The following ADCY9 variants were observed in gnomAD, a reference collection of about 807,000 sequenced individuals.
ADCY9 encodes adenylate cyclase type 9.
ADCY9 carries 50 observed loss-of-function variants against 101.5 expected under a neutral mutation model. The observed-to-expected ratio is 0.49, with a 90% CI of 0.39 to 0.62. ADCY9 has a LOEUF of 0.62. Among genes scored for constraint, ADCY9 ranks in the 20% least tolerant of loss-of-function variants. The pLI is 0.00. For synonymous variants in ADCY9, 905 were observed against 769.3 expected (o/e 1.18, Z -2.92); for missense variants, 1,662 against 1,800.4 (o/e 0.92, Z 1.39).
At chr16:4,065,011 A>G (rs1009596449) in intron 2 of ADCY9, among the ~76,000 whole-genome samples, 1 of 152,168 alleles carries the variant, frequency 6.6e-6, no homozygotes, top group Non-Finnish European at 1.5e-5. Flanking sequence ...GGAGAAGTGA[A>G]AGGTCATAGG....
chr16:4,113,795 C>G lies in ADCY9; in HGVS notation c.1648G>C (p.Val550Leu), dbSNP rs1028632033. 1.2e-6 allele frequency: 2 copies of G among 1,613,974 alleles called. No homozygotes were observed. The highest frequency in any genetic ancestry group is 1.3e-5 in the African/African-American group (1 of 74,910). ...DDRYEMEDGK[V>L]IERLGQSVVA... ...ACGCTCTGGCCCAGCCGTTCAATAA[C>G]TTTCCCATCTTCCATTTCGTACCGG... Residue 550 changes from valine (V) to leucine (L), a missense_variant, in exon 2 of 11, where the codon GTT becomes CTT. Coordinates refer to ENST00000294016, the MANE Select transcript of ADCY9 (RefSeq NM_001116.4).
chr16:4,045,650 G>GCATCCATC (rs1215823813), intron 2 of ADCY9, among the ~76,000 whole-genome samples: 1 of 146,248 alleles, frequency 6.8e-6, no homozygotes, highest in Non-Finnish European at 1.5e-5. Flanking sequence ...CCAATTTGCT[G>GCATCCATC]CATCCATCCA....
intron 2 of ADCY9, among the ~76,000 whole-genome samples, chr16:4,071,901 C>A (rs1314454460): frequency 6.6e-6 from 1 of 152,138 alleles, no homozygotes; most frequent in Non-Finnish European, 1.5e-5. Flanking sequence ...ACCTCCACCT[C>A]CCGGGTTCAA....
chr16:3,982,375 C>G (rs1001949764), intron 7 of ADCY9: 1 of 152,364 alleles, frequency 6.6e-6, no homozygotes, highest in African/African-American at 2.4e-5. Context: ...AAGCCCAGCT[C>G]CGGGGCACCG....
rs1418654112 is a variant in ADCY9, at chr16:3,965,519, G to T, written c.*256C>A. On this transcript the variant is annotated 3_prime_UTR_variant, in exon 11 of 11. Transcript: ENST00000294016. ...GAGACTCGAGGCCGAGGCCAGCCCT[G>T]AAGGCACTTGTTCTCCACCACGTGC... 3.7e-6 allele frequency: 2 copies of T among 534,452 alleles called. No individual in the cohort carries two copies. Among genetic ancestry groups the T allele is most frequent in the Non-Finnish European group, 6.6e-6 (2 of 302,982 alleles). The allele number at this position is 534,452 out of a possible 1,614,324, so 33.1% of individuals were successfully genotyped here.
At chr16:4,004,400 T>G (rs923197059) in intron 3 of ADCY9, among the ~76,000 whole-genome samples, 2 of 151,974 alleles carry the variant, frequency 1.3e-5, no homozygotes, top group African/African-American at 4.8e-5. Context: ...TTACATTAGA[T>G]AAGAATTTTC....
At chr16:4,035,216 C>A (rs527799336) in intron 2 of ADCY9, among the ~76,000 whole-genome samples, 112 of 152,290 alleles carry the variant, frequency 7.4e-4, no homozygotes, top group African/African-American at 2.7e-3. Context: ...CTGGCAGCTT[C>A]CACTTGGCCT....
rs117736152 is a variant in ADCY9 at position 4,058,830 on chromosome 16, T to C, written c.1694-51272A>G. 2.0e-3 allele frequency among the ~76,000 whole-genome samples: 307 copies of C among 152,296 alleles called. 1 individual carries two copies. Among genetic ancestry groups the C allele is most frequent in the Non-Finnish European group, 3.6e-3 (243 of 68,032 alleles). ...GGCTCCTCATCTCCTGATTGCTAAT[T>C]AACTTTATCTCCTTGAATCAAGGGA... On this transcript the variant is annotated intron_variant, in intron 2 of 10. Coordinates refer to ENST00000294016, the MANE Select transcript of ADCY9 (RefSeq NM_001116.4).
intron 5 of ADCY9, among the ~76,000 whole-genome samples, chr16:3,990,475 A>T (rs917822604): frequency 1.3e-5 from 2 of 152,146 alleles, no homozygotes; most frequent in Non-Finnish European, 2.9e-5. Flanking sequence ...CAAAAAAAAA[A>T]AAAAAGAGTA....
At chr16:4,030,097 G>A (rs574203206) in intron 2 of ADCY9, among the ~76,000 whole-genome samples, 8 of 152,146 alleles carry the variant, frequency 5.3e-5, no homozygotes, top group South Asian at 2.1e-4. Flanking sequence ...AAAACAAGTC[G>A]GTATTACCGA....
intron 7 of ADCY9, chr16:3,982,978 G>A: frequency 1.9e-6 from 1 of 534,624 alleles, no homozygotes; most frequent in Non-Finnish European, 3.3e-6. Context: ...GGAAATCTGG[G>A]GACAAGCTGG....
chr16:4,066,026 C>A (rs190134351), intron 2 of ADCY9, among the ~76,000 whole-genome samples: 225 of 152,246 alleles, frequency 1.5e-3, no homozygotes, highest in Middle Eastern at 6.8e-3. Context: ...CTTTAGCAAG[C>A]GGGATGTTGT....
intron 2 of ADCY9, among the ~76,000 whole-genome samples, chr16:4,065,974 G>T (rs897142069): frequency 2.6e-5 from 4 of 152,320 alleles, no homozygotes; most frequent in African/African-American, 7.2e-5. Context: ...AAAGTGCTGG[G>T]ATTACAGGCG....
At chr16:4,048,791 T>C (rs756270261) in intron 2 of ADCY9, among the ~76,000 whole-genome samples, 17 of 151,974 alleles carry the variant, frequency 1.1e-4, no homozygotes, top group Non-Finnish European at 2.2e-4. Flanking sequence ...AGGGTTCCCA[T>C]AGACGGCACT....
intron 2 of ADCY9, among the ~76,000 whole-genome samples, chr16:4,020,887 G>A (rs1406610634): frequency 6.6e-6 from 1 of 151,354 alleles, no homozygotes; most frequent in African/African-American, 2.4e-5. Flanking sequence ...AGCAGATAAT[G>A]TTTTAGAATA....
Position 3,966,615 on chromosome 16 carries a change from G to A in ADCY9, c.3222C>T (p.Asn1074=). Residue 1074 remains asparagine, a synonymous_variant, in exon 11 of 11, where the codon AAC becomes AAT. Coordinates refer to ENST00000294016, the MANE Select transcript of ADCY9 (RefSeq NM_001116.4). ...GGTAGCACTCCTTGCCGCCCTCGTA[G>A]TTCTCCTCGTAGAACTCGCTGAAGT... ...IVNFSEFYEE[N]YEGGKECYRV... is the part of the protein sequence containing the mutation. 6.2e-7 allele frequency: 1 copy of A among 1,614,190 alleles called. No homozygotes were observed. Among genetic ancestry groups the A allele is most frequent in the Non-Finnish European group, 8.5e-7 (1 of 1,180,038 alleles).
At chr16:3,988,685 C>T (rs2056218399) in intron 6 of ADCY9, among the ~76,000 whole-genome samples, 1 of 116,172 alleles carries the variant, frequency 8.6e-6, no homozygotes, top group Non-Finnish European at 1.7e-5. Context: ...TGGGGGTTTC[C>T]TTTCAGGACA....
intron 5 of ADCY9, among the ~76,000 whole-genome samples, chr16:3,990,202 T>C (rs1480475116): frequency 2.0e-5 from 3 of 152,114 alleles, no homozygotes; most frequent in African/African-American, 4.8e-5. Context: ...CGGTGGCTCA[T>C]CCTTGTAATC....
intron 10 of ADCY9, among the ~76,000 whole-genome samples, chr16:3,970,649 A>G (rs1326988269): frequency 6.6e-6 from 1 of 152,214 alleles, no homozygotes; most frequent in Non-Finnish European, 1.5e-5. Context: ...CCTTTAATCA[A>G]AGTGTCTAAT....
Sources: allele counts gnomAD v4.1 joint callset (sites outside exome capture counted in the v4.1 genomes callset), GRCh38; gene constraint gnomAD v4.1.1; transcripts MANE v1.5; gene names NCBI Gene and HGNC (gene_info 2026-07-23, HGNC 2026-07-21).